The following REDIC1 variants were observed in gnomAD, a reference collection of about 807,000 sequenced individuals.
REDIC1 encodes the protein HEI10 Interacting Protein 1.
the REDIC1 span, among the ~76,000 whole-genome samples, chr12:39,807,083 T>A: frequency 6.6e-6 from 1 of 150,902 alleles, no homozygotes; most frequent in Non-Finnish European, 1.5e-5. Context: ...CCACTGAAAG[T>A]AATTGCAACA....
the REDIC1 span, among the ~76,000 whole-genome samples, chr12:39,698,110 C>A: frequency 3.3e-5 from 5 of 152,002 alleles, no homozygotes; most frequent in African/African-American, 4.8e-5. Context: ...AGTAGCTACA[C>A]GTATATTAGA....
chr12:39,743,240 C>G, the REDIC1 span, among the ~76,000 whole-genome samples: 18 of 152,158 alleles, frequency 1.2e-4, no homozygotes, highest in African/African-American at 4.3e-4. Context: ...ATACCCAACG[C>G]CAGCCTACTG....
the REDIC1 span, among the ~76,000 whole-genome samples, chr12:39,884,542 C>A: frequency 1.3e-5 from 2 of 152,076 alleles, no homozygotes; most frequent in African/African-American, 4.8e-5. Context: ...CAATAAGATG[C>A]AATTAAGATA....
At chr12:39,665,030 C>T in the REDIC1 span, among the ~76,000 whole-genome samples, 1 of 152,136 alleles carries the variant, frequency 6.6e-6, no homozygotes, top group African/African-American at 2.4e-5. Context: ...GTTGCCTGTT[C>T]ATTCTGATCA....
the REDIC1 span, among the ~76,000 whole-genome samples, chr12:39,747,164 G>A: frequency 1.3e-5 from 2 of 152,130 alleles, no homozygotes; most frequent in African/African-American, 4.8e-5. Context: ...TCACAAATAA[G>A]CTAAAAATCT....
At chr12:39,837,262 G>A in the REDIC1 span, among the ~76,000 whole-genome samples, 1 of 150,502 alleles carries the variant, frequency 6.6e-6, no homozygotes, top group Non-Finnish European at 1.5e-5. Context: ...TTTAATAAAT[G>A]GTGCTGGGAA....
chr12:39,647,973 A>AC, the REDIC1 span: 1 of 1,529,428 alleles, frequency 6.5e-7, no homozygotes, highest in Non-Finnish European at 8.8e-7. Context: ...AAGCAGAATG[A>AC]CCAGGTACCT....
chr12:39,796,433 A>G, the REDIC1 span, among the ~76,000 whole-genome samples: 361 of 151,876 alleles, frequency 2.4e-3, no homozygotes, highest in Non-Finnish European at 4.4e-3. Flanking sequence ...AAAAAAAAAA[A>G]AAAAAAAAAA....
chr12:39,755,023 A>T, the REDIC1 span: 3 of 152,160 alleles, frequency 2.0e-5, no homozygotes, highest in Non-Finnish European at 1.5e-5. Context: ...AAGGGAAGTT[A>T]ATGAGTAATG....
the REDIC1 span, among the ~76,000 whole-genome samples, chr12:39,645,070 G>A: frequency 2.6e-5 from 4 of 151,940 alleles, no homozygotes; most frequent in Non-Finnish European, 5.9e-5. Flanking sequence ...GTGACCCTGC[G>A]TCTTCAGAGA....
chr12:39,674,883 A>T, the REDIC1 span, among the ~76,000 whole-genome samples: 16 of 152,300 alleles, frequency 1.1e-4, no homozygotes, highest in Non-Finnish European at 1.8e-4. Context: ...ACTAAGCATG[A>T]ATTTTCATGA....
chr12:39,685,525 C>G, the REDIC1 span, among the ~76,000 whole-genome samples: 1 of 152,174 alleles, frequency 6.6e-6, no homozygotes, highest in South Asian at 2.1e-4. Context: ...GGAGAAACCA[C>G]TGCCCTGCTA....
chr12:39,731,490 A>G, the REDIC1 span, among the ~76,000 whole-genome samples: 24 of 152,304 alleles, frequency 1.6e-4, no homozygotes, highest in African/African-American at 5.3e-4. Flanking sequence ...GCTCCAGAAC[A>G]GCAAAGATTT....
the REDIC1 span, among the ~76,000 whole-genome samples, chr12:39,649,384 G>A: frequency 6.6e-6 from 1 of 151,796 alleles, no homozygotes; most frequent in South Asian, 2.1e-4. Context: ...CTGATCCTTA[G>A]TTAAGTAGTA....
chr12:39,890,352 C>A, the REDIC1 span, among the ~76,000 whole-genome samples: 1 of 152,108 alleles, frequency 6.6e-6, no homozygotes, highest in Non-Finnish European at 1.5e-5. Context: ...AGCAGAATAT[C>A]TATCCTCAAA....
the REDIC1 span, among the ~76,000 whole-genome samples, chr12:39,874,270 A>T: frequency 2.0e-5 from 3 of 152,154 alleles, no homozygotes; most frequent in African/African-American, 7.2e-5. Context: ...GCAAAATGGT[A>T]TGCTGGGTTC....
At chr12:39,708,803 T>C in the REDIC1 span, among the ~76,000 whole-genome samples, 1 of 151,864 alleles carries the variant, frequency 6.6e-6, no homozygotes, top group African/African-American at 2.4e-5. Flanking sequence ...CTTGAAGAAT[T>C]ATATGCCTCT....
chr12:39,701,004 G>A, the REDIC1 span, among the ~76,000 whole-genome samples: 3 of 151,912 alleles, frequency 2.0e-5, no homozygotes, highest in Non-Finnish European at 2.9e-5. Flanking sequence ...AAAGACCATC[G>A]AGACTAGGAA....
the REDIC1 span, chr12:39,647,893 C>T: frequency 6.2e-7 from 1 of 1,607,328 alleles, no homozygotes. Flanking sequence ...TACCTTCTAA[C>T]AGACATATTT....
Sources: allele counts gnomAD v4.1 joint callset (sites outside exome capture counted in the v4.1 genomes callset), GRCh38; gene constraint gnomAD v4.1.1; transcripts MANE v1.5; gene names NCBI Gene and HGNC (gene_info 2026-07-23, HGNC 2026-07-21).